Variants in ZBTB16 observed in about 807,000 individuals in gnomAD.
ZBTB16 encodes the protein zinc finger and BTB domain containing 16.
A neutral mutation model predicts 56.8 loss-of-function variants in ZBTB16; 8 were observed. The observed-to-expected ratio is 0.14, with a 90% CI of 0.08 to 0.25. The LOEUF (loss-of-function observed/expected upper bound fraction) is 0.25, where lower values mean the gene tolerates loss of function less well. Ranked by LOEUF, ZBTB16 falls within the 10% of genes least tolerant of loss-of-function variation. The pLI is 1.00. For synonymous variants in ZBTB16, 363 were observed against 368.5 expected (o/e 0.98, Z 0.17); for missense variants, 625 against 903.0 (o/e 0.69, Z 3.95).
chr11:114,123,241 C>T (rs1941394100), intron 2 of ZBTB16, among the ~76,000 whole-genome samples: 1 of 151,998 alleles, frequency 6.6e-6, no homozygotes, highest in Non-Finnish European at 1.5e-5. Context: ...ACAATTCAGT[C>T]CATAGTAGTC....
At chr11:114,066,142 A>T (rs1939106745) in intron 2 of ZBTB16, among the ~76,000 whole-genome samples, 1 of 151,986 alleles carries the variant, frequency 6.6e-6, no homozygotes, top group African/African-American at 2.4e-5. Flanking sequence ...CTTCACCCCC[A>T]TTCCCCTGTT....
chr11:114,250,620 G>T lies in ZBTB16; in HGVS notation c.*65G>T. The T allele has an allele frequency of 6.7e-7, 1 of 1,490,544 alleles. No individual in the cohort carries two copies. The allele number at this position is 1,490,544 out of a possible 1,614,324, so 92.3% of individuals were successfully genotyped here. A position where few individuals can be genotyped will look rare whatever the true frequency, so the allele number is the denominator to read the frequency against. ...AAAGAAGAGTTGGAGTGAGATGAAGGAAGGACTATGACAAATAAAAAAGGA... is the reference window on the plus strand; with the variant it reads ...AAAGAAGAGTTGGAGTGAGATGAAGTAAGGACTATGACAAATAAAAAAGGA... On this transcript the variant is annotated 3_prime_UTR_variant, in exon 7 of 7. Transcript: ENST00000335953. This position sits in a 1 kb window ranked among gnomAD's most constrained non-coding sequence, Gnocchi z 6.0.
At chr11:114,205,681 A>C (rs965653062) in intron 4 of ZBTB16, among the ~76,000 whole-genome samples, 18 of 152,244 alleles carry the variant, frequency 1.2e-4, no homozygotes, top group Non-Finnish European at 2.5e-4. Flanking sequence ...AATTTGATTA[A>C]GCTTATGGGG....
rs1310784651 is a variant in ZBTB16 at position 114,064,143 on chromosome 11, G to A, written c.843G>A (p.Gly281=). ...KVEERGKEGP[G]TPTRSSVITS... is the part of the protein sequence containing the mutation. Reference sequence around the variant, plus strand: ...AGGAAAGAGGCAAAGAGGGGCCTGGGACCCCGACTCGAAGCAGCGTCATCA... The same window carrying A: ...AGGAAAGAGGCAAAGAGGGGCCTGGAACCCCGACTCGAAGCAGCGTCATCA... The change falls in exon 2 of 7, where the codon GGG becomes GGA. Residue 281 remains glycine, a synonymous_variant. Coordinates refer to ENST00000335953, the MANE Select transcript of ZBTB16 (RefSeq NM_006006.6). This position sits in a 1 kb window ranked among gnomAD's most constrained non-coding sequence, Gnocchi z 4.2. The A allele has an allele frequency of 6.2e-7, 1 of 1,613,838 alleles. No individual in the cohort carries two copies. The highest frequency in any genetic ancestry group is 8.5e-7 in the Non-Finnish European group (1 of 1,180,006).
At chr11:114,170,678 T>G (rs369571071) in intron 3 of ZBTB16, among the ~76,000 whole-genome samples, 1 of 151,962 alleles carries the variant, frequency 6.6e-6, no homozygotes, top group South Asian at 2.1e-4. Flanking sequence ...GGATAAAAAG[T>G]CTTCTGGGGT....
chr11:114,253,527 GT>G lies in ZBTB16; in HGVS notation c.*2974del, dbSNP rs576242616. Among the ~76,000 whole-genome samples the G allele has an allele frequency of 7.9e-5, 12 of 152,328 alleles. No homozygotes were observed. The East Asian group carries it at 2.3e-3, about 29-fold the overall frequency. On this transcript the variant is annotated 3_prime_UTR_variant, in exon 7 of 7. Transcript: ENST00000335953. The stretch of plus-strand genomic sequence containing the variant: ...TCATGCAGTATTGTCGTAATCTGGT[GT>G]TGCAGCAATGGATGGTACTAAATCA...
At chr11:114,109,241 A>G (rs1468567455) in intron 2 of ZBTB16, among the ~76,000 whole-genome samples, 1 of 152,250 alleles carries the variant, frequency 6.6e-6, no homozygotes, top group African/African-American at 2.4e-5. Context: ...TCCTAGCATT[A>G]TCTGACTTTA....
intron 2 of ZBTB16, among the ~76,000 whole-genome samples, chr11:114,066,991 C>T (rs1041907699): frequency 3.3e-5 from 5 of 151,948 alleles, no homozygotes; most frequent in South Asian, 2.1e-4. Context: ...AGAATGGTCT[C>T]GATCTCTTGA....
At chr11:114,142,196 C>G (rs544818614) in intron 2 of ZBTB16, among the ~76,000 whole-genome samples, 1 of 152,096 alleles carries the variant, frequency 6.6e-6, no homozygotes, top group South Asian at 2.1e-4. Context: ...CTTGTGGCAG[C>G]GGTGGTTAAG....
At chr11:114,190,965 T>C (rs1943478412) in intron 4 of ZBTB16, among the ~76,000 whole-genome samples, 1 of 152,114 alleles carries the variant, frequency 6.6e-6, no homozygotes, top group Non-Finnish European at 1.5e-5. Context: ...CTTACAATCA[T>C]GGTGGAAGGC....
intron 2 of ZBTB16, among the ~76,000 whole-genome samples, chr11:114,099,734 C>T (rs1329870989): frequency 6.6e-6 from 1 of 152,180 alleles, no homozygotes; most frequent in Non-Finnish European, 1.5e-5. Context: ...CTTCACGTGG[C>T]CTTCCATTTT....
In ZBTB16 at chr11:114,253,414, C is replaced by CAA. The variant is rs3842271; in HGVS notation, c.*2867_*2868dup. 6.7e-4 allele frequency among the ~76,000 whole-genome samples: 101 copies of CAA among 151,552 alleles called. No homozygotes were observed. The highest frequency in any genetic ancestry group is 1.2e-3 in the Non-Finnish European group (79 of 67,836). On this transcript the variant is annotated 3_prime_UTR_variant, in exon 7 of 7. Transcript: ENST00000335953. ...GTAATGTGAATAGGAAGACAAAAGA[C>CAA]AAAAAAAAATCCACCACCACCAAAA...
In ZBTB16 at chr11:114,144,028, C is replaced by T. The variant is rs1591710935; in HGVS notation, c.1269-12309C>T. Among the ~76,000 whole-genome samples, 3 of 152,176 alleles carry T rather than the reference C, an allele frequency of 2.0e-5. No homozygotes were observed. In the South Asian group the frequency reaches 6.2e-4, roughly 32 times the overall value. On this transcript the variant is annotated intron_variant, in intron 2 of 6. Coordinates refer to ENST00000335953, the MANE Select transcript of ZBTB16 (RefSeq NM_006006.6). ...GTGCTTTTCCCCATGAAAATGAGGC[C>T]CAGCAGGGAAGAGGATTCGTATTTG...
chr11:114,235,656 T>TTC (rs754717364), intron 4 of ZBTB16, among the ~76,000 whole-genome samples: 1 of 23,832 alleles, frequency 4.2e-5, no homozygotes, highest in Non-Finnish European at 1.1e-4. Flanking sequence ...CTTTCTTTCT[T>TTC]TCTTTCTTTC....
chr11:114,180,262 G>A (rs908768048), intron 3 of ZBTB16, among the ~76,000 whole-genome samples: 16 of 152,192 alleles, frequency 1.1e-4, no homozygotes, highest in African/African-American at 1.7e-4. Context: ...AGAACATCCC[G>A]AAGCCCTCAT....
chr11:114,221,577 C>G (rs1944233025), intron 4 of ZBTB16, among the ~76,000 whole-genome samples: 2 of 152,210 alleles, frequency 1.3e-5, no homozygotes, highest in South Asian at 4.1e-4. Context: ...ACCCCACTGT[C>G]ATGCCATCCT....
chr11:114,208,180 G>A (rs1341268409), intron 4 of ZBTB16, among the ~76,000 whole-genome samples: 1 of 152,186 alleles, frequency 6.6e-6, no homozygotes, highest in Non-Finnish European at 1.5e-5. Flanking sequence ...TCTTGCCACT[G>A]CACGAGTTAG....
chr11:114,159,109 A>C lies in ZBTB16; in HGVS notation c.1366+2675A>C, dbSNP rs114084317. Among the ~76,000 whole-genome samples the C allele has an allele frequency of 2.3e-3, 356 of 152,376 alleles. 3 individuals are homozygous for C. The highest frequency in any genetic ancestry group is 8.1e-3 in the African/African-American group (337 of 41,590). Reference sequence around the variant, plus strand: ...CTGCAGAAAAGAAAGGGTTGCTTGCATACTCATGTCAGGTGGGCCCGGTGT... The same window carrying C: ...CTGCAGAAAAGAAAGGGTTGCTTGCCTACTCATGTCAGGTGGGCCCGGTGT... On this transcript the variant is annotated intron_variant, in intron 3 of 6. Transcript: ENST00000335953.
rs748290705 is a variant in ZBTB16, at chr11:114,063,900, G to T, written c.600G>T (p.Lys200Asn). The T allele has an allele frequency of 6.2e-7, 1 of 1,614,026 alleles. No individual in the cohort carries two copies. ...GTCTTTCAGCCATGAGTCCCACCAA[G>T]GCTGCAGTGGACAGTTTGATGACCA... is the stretch of plus-strand genomic sequence containing the variant. ...SFGLSAMSPTKAAVDSLMTIG... is the reference protein window; with the variant it reads ...SFGLSAMSPTNAAVDSLMTIG... Residue 200 changes from lysine to asparagine, a missense_variant, in exon 2 of 7, where the codon AAG (lysine) becomes AAT (asparagine). By Grantham distance (94) the Lys-to-Asn change is moderately conservative. This residue lies in a region of ZBTB16 where 384 missense variants were observed against 393.5 expected (regional missense o/e 0.98). Coordinates refer to ENST00000335953, the MANE Select transcript of ZBTB16 (RefSeq NM_006006.6). This position sits in a 1 kb window ranked among gnomAD's most constrained non-coding sequence, Gnocchi z 6.5.
Sources: allele counts gnomAD v4.1 joint callset (sites outside exome capture counted in the v4.1 genomes callset), GRCh38; gene constraint gnomAD v4.1.1; regional missense constraint gnomAD v4.1.1; non-coding constraint Gnocchi (gnomAD v3.1); transcripts MANE v1.5; gene names NCBI Gene and HGNC (gene_info 2026-07-23, HGNC 2026-07-21).